Variants in PCSK6 observed in about 807,000 individuals in gnomAD.
The protein encoded by PCSK6 is proprotein convertase subtilisin/kexin type 6, also known as paired basic amino acid cleaving enzyme 4.
In PCSK6, 85 loss-of-function variants were observed where a neutral mutation model predicts 123.3. That is an observed-to-expected ratio of 0.69 (90% CI 0.58 to 0.83). The LOEUF (loss-of-function observed/expected upper bound fraction) is 0.83. Among genes scored for constraint, PCSK6 ranks in the 40% least tolerant of loss-of-function variants. The pLI is 0.00. For missense variants in PCSK6, 1,191 were observed against 1,282.3 expected (o/e 0.93, Z 1.09); for synonymous variants, 508 against 516.0 (o/e 0.98, Z 0.21).
rs10400857 is a variant in PCSK6, at chr15:101,393,620, C to A, written c.997-196G>T. Among the ~76,000 whole-genome samples the A allele has an allele frequency of 0.39, 58,752 of 152,018 alleles. 11,845 individuals are homozygous for A. The highest frequency in any genetic ancestry group is 0.41 in the Non-Finnish European group (28,193 of 67,958). ...TTTAATGGTGTGCCTTTGCCTGTAG[C>A]AGCAGCCTTAAAATTGCAGAATCAC... is the stretch of plus-strand genomic sequence containing the variant. On this transcript the variant is annotated intron_variant, in intron 7 of 21. Coordinates refer to ENST00000611716, the MANE Select transcript of PCSK6 (RefSeq NM_002570.5).
chr15:101,394,649 T>A (rs1433412048), intron 7 of PCSK6, among the ~76,000 whole-genome samples: 1 of 152,174 alleles, frequency 6.6e-6, no homozygotes, highest in Non-Finnish European at 1.5e-5. Flanking sequence ...TAAAGATAAC[T>A]TACACACCAA....
In PCSK6 at chr15:101,393,393, C is replaced by T. The variant is rs1326694365; in HGVS notation, c.1028G>A (p.Trp343Ter). 1.2e-6 allele frequency: 2 copies of T among 1,602,462 alleles called. No individual in the cohort carries two copies. The highest frequency in any genetic ancestry group is 8.5e-7 in the Non-Finnish European group (1 of 1,175,032). The change falls in exon 8 of 22, where the codon TGG becomes TAG. Residue 343 changes from tryptophan (W) to a stop codon, truncating the protein, a stop_gained. Coordinates refer to ENST00000611716, the MANE Select transcript of PCSK6 (RefSeq NM_002570.5). LOFTEE classifies it high-confidence loss of function. ...GRQGLGSIFV[W>*]ASGNGGREGD... ...CTCTCTCCCGCCATTCCCAGATGCC[C>T]AGACGAAAATGGAGCCCAGGCCCTG...
intron 18 of PCSK6, among the ~76,000 whole-genome samples, chr15:101,320,520 G>T (rs1183613118): frequency 6.6e-6 from 1 of 152,188 alleles, no homozygotes; most frequent in Non-Finnish European, 1.5e-5. Flanking sequence ...GAAAACACTG[G>T]TTTTTCCTAT....
intron 12 of PCSK6, among the ~76,000 whole-genome samples, chr15:101,369,054 G>T (rs919236509): frequency 3.3e-5 from 5 of 152,090 alleles, no homozygotes; most frequent in African/African-American, 9.7e-5. Context: ...AGGAGAATGT[G>T]GGATGGGCTG....
At chr15:101,313,007 A>T (rs2039902674) in intron 20 of PCSK6, 2 of 1,170,384 alleles carry the variant, frequency 1.7e-6, no homozygotes, top group African/African-American at 1.6e-5. Context: ...TGTGTCTCCA[A>T]AAAAATTTTT....
Position 101,325,009 on chromosome 15 carries a change from C to A in PCSK6, c.2218G>T (p.Asp740Tyr), listed in dbSNP as rs1450428132. The stretch of plus-strand genomic sequence containing the variant: ...CGGCGACAGCGTCTTGCTGCTGTGT[C>A]CCCAAAGTAGCCCAAGGGGCACACA... The part of the protein sequence containing the change: ...VSVCPLGYFG[D>Y]TAARRCRRCH... Residue 740 changes from aspartate (D) to tyrosine (Y), a missense_variant, in exon 17 of 22, where the codon GAC (aspartate) becomes TAC (tyrosine). Coordinates refer to ENST00000611716, the MANE Select transcript of PCSK6 (RefSeq NM_002570.5). The A allele has an allele frequency of 6.2e-7, 1 of 1,611,954 alleles. No homozygotes were observed.
At chr15:101,317,162 T>C (rs1267755294) in intron 19 of PCSK6, among the ~76,000 whole-genome samples, 1 of 152,188 alleles carries the variant, frequency 6.6e-6, no homozygotes, top group Non-Finnish European at 1.5e-5. Context: ...TCCACCCGCC[T>C]TGGCCTCCCA....
At position 101,318,383 on chromosome 15, in the gene PCSK6, G is replaced by T; in HGVS notation, c.2505C>A (p.Gly835=). Residue 835 remains glycine (G), a synonymous_variant, in exon 19 of 22, where the codon GGC becomes GGA. Transcript: ENST00000611716. The part of the protein sequence containing the change: ...RGSCIPDCEP[G]TYFDSELIRC... ...TGATCAGCTCTGAGTCAAAGTAGGT[G>T]CCTGGCTCACAGTCAGGAATGCAGC... is the stretch of plus-strand genomic sequence containing the variant. 6.4e-7 allele frequency: 1 copy of T among 1,564,864 alleles called. No individual in the cohort carries two copies. Among genetic ancestry groups the T allele is most frequent in the Non-Finnish European group, 8.7e-7 (1 of 1,154,716 alleles).
rs565337189 is a variant in PCSK6 at position 101,348,510 on chromosome 15, C to A, written c.1859-16479G>T. Among the ~76,000 whole-genome samples, 353 of 152,318 alleles carry A rather than the reference C, an allele frequency of 2.3e-3. 2 individuals are homozygous for A. The highest frequency in any genetic ancestry group is 8.2e-3 in the African/African-American group (341 of 41,558). Reference sequence around the variant, plus strand: ...ACCTTCGTGAGACACCGTCACAGCACAAGGCAGAACACAGAATTCGATATG... The same window carrying A: ...ACCTTCGTGAGACACCGTCACAGCAAAAGGCAGAACACAGAATTCGATATG... On this transcript the variant is annotated intron_variant, in intron 13 of 21. Coordinates refer to ENST00000611716, the MANE Select transcript of PCSK6 (RefSeq NM_002570.5).
intron 13 of PCSK6, among the ~76,000 whole-genome samples, chr15:101,363,920 G>A (rs1451621201): frequency 1.3e-5 from 2 of 151,992 alleles, no homozygotes; most frequent in African/African-American, 2.4e-5. Context: ...TTACAGGCAT[G>A]AGCCACCGCG....
intron 13 of PCSK6, among the ~76,000 whole-genome samples, chr15:101,334,723 A>C (rs959866400): frequency 6.6e-6 from 1 of 152,200 alleles, no homozygotes; most frequent in African/African-American, 2.4e-5. Context: ...AAACACCCAC[A>C]AAAGGCCTGG....
chr15:101,395,103 C>G (rs1340796638), intron 7 of PCSK6, among the ~76,000 whole-genome samples: 2 of 152,214 alleles, frequency 1.3e-5, no homozygotes, highest in Non-Finnish European at 2.9e-5. Flanking sequence ...TGTCCTTATT[C>G]CAGGTGAGAA....
chr15:101,453,646 T>C (rs900270307), intron 1 of PCSK6, among the ~76,000 whole-genome samples: 2 of 152,226 alleles, frequency 1.3e-5, no homozygotes, highest in Non-Finnish European at 2.9e-5. Context: ...CTGTGTAGCC[T>C]GCCTAACACA....
chr15:101,394,468 A>G (rs1172695360), intron 7 of PCSK6, among the ~76,000 whole-genome samples: 3 of 152,202 alleles, frequency 2.0e-5, no homozygotes, highest in African/African-American at 4.8e-5. Context: ...ACTGACGGAT[A>G]TAGTCCAGAT....
intron 11 of PCSK6, among the ~76,000 whole-genome samples, chr15:101,378,220 G>C (rs890832597): frequency 2.6e-5 from 4 of 152,156 alleles, no homozygotes; most frequent in Admixed American, 1.3e-4. Context: ...ATTTTGCACA[G>C]GCAGATGCCC....
At chr15:101,460,639 G>C (rs2057319699) in intron 1 of PCSK6, among the ~76,000 whole-genome samples, 1 of 152,146 alleles carries the variant, frequency 6.6e-6, no homozygotes, top group Non-Finnish European at 1.5e-5. Context: ...ACTGAGCCCA[G>C]TACCAGGACT....
chr15:101,489,342 A>G (rs2058106038), intron 1 of PCSK6, 32 bp downstream of exon 1: 9 of 1,114,168 alleles, frequency 8.1e-6, no homozygotes, highest in Non-Finnish European at 9.8e-6. Context: ...CCGCCGGGAA[A>G]GTTTTGGGCG....
At chr15:101,451,824 C>T (rs1404963061) in intron 1 of PCSK6, among the ~76,000 whole-genome samples, 1 of 152,196 alleles carries the variant, frequency 6.6e-6, no homozygotes, top group African/African-American at 2.4e-5. Context: ...AAAACCTACA[C>T]ACCAAATTAA....
chr15:101,338,286 GAC>G (rs2141382452), intron 13 of PCSK6, among the ~76,000 whole-genome samples: 1 of 152,320 alleles, frequency 6.6e-6, no homozygotes, highest in African/African-American at 2.4e-5. Flanking sequence ...CTAAGGCAGA[GAC>G]ACACAGGAAT....
Sources: allele counts gnomAD v4.1 joint callset (sites outside exome capture counted in the v4.1 genomes callset), GRCh38; gene constraint gnomAD v4.1.1; transcripts MANE v1.5; gene names NCBI Gene and HGNC (gene_info 2026-07-23, HGNC 2026-07-21).